PCBP1: variants seen among roughly 807,000 people sequenced by gnomAD.
The protein encoded by PCBP1 is poly(rC)-binding protein 1.
For synonymous variants in PCBP1, 284 were observed against 195.8 expected (o/e 1.45, Z -3.76); for missense variants, 244 against 474.4 (o/e 0.51, Z 4.51).
Position 70,088,409 on chromosome 2 carries a change from C to T in PCBP1, c.666C>T (p.Tyr222=), listed in dbSNP as rs1179607791. The change falls in exon 1 of 1, where the codon TAC becomes TAT. Residue 222 remains tyrosine, a synonymous_variant. Transcript: ENST00000303577. The surrounding 1 kb of genome is among the most constrained non-coding windows in gnomAD (Gnocchi z 4.5). ...HDLEGPPLDA[Y]SIQGQHTISP... ...TGGAGGGACCACCTCTAGATGCCTA[C>T]TCGATTCAAGGACAACACACCATTT... The T allele has an allele frequency of 9.9e-6, 16 of 1,614,188 alleles. No homozygotes were observed. The East Asian group carries it at 2.0e-4, about 20-fold the overall frequency.
rs769538150 is a variant in PCBP1, at chr2:70,088,658, C to T, written c.915C>T (p.Ile305=). 3 of 1,614,242 alleles carry T rather than the reference C, an allele frequency of 1.9e-6. No homozygotes were observed. The highest frequency in any genetic ancestry group is 2.2e-5 in the East Asian group (1 of 44,888). Residue 305 remains isoleucine, a synonymous_variant, in exon 1 of 1, where the codon ATC becomes ATT. Coordinates refer to ENST00000303577, the MANE Select transcript of PCBP1 (RefSeq NM_006196.4). The surrounding 1 kb of genome is among the most constrained non-coding windows in gnomAD (Gnocchi z 4.5). ...IGRQGANINE[I]RQMSGAQIKI... Reference sequence around the variant, plus strand: ...GCCAAGGCGCCAACATTAATGAGATCCGCCAGATGTCCGGGGCCCAGATCA... The same window carrying T: ...GCCAAGGCGCCAACATTAATGAGATTCGCCAGATGTCCGGGGCCCAGATCA...
Position 70,088,875 on chromosome 2 carries a change from T to C in PCBP1, c.*61T>C. ...GTTCTCCCATGATCCAACTGTGTAA[T>C]TTCTGGTCAGTGATTCCAGGTTTTA... is the stretch of plus-strand genomic sequence containing the variant. On this transcript the variant is annotated 3_prime_UTR_variant, in exon 1 of 1. Coordinates refer to ENST00000303577, the MANE Select transcript of PCBP1 (RefSeq NM_006196.4). The surrounding 1 kb of genome is among the most constrained non-coding windows in gnomAD (Gnocchi z 4.5). 1.6e-6 allele frequency: 2 copies of C among 1,234,010 alleles called. No individual in the cohort carries two copies. Among genetic ancestry groups the C allele is most frequent in the South Asian group, 1.4e-5 (1 of 69,342 alleles). The allele number at this position is 1,234,010 out of a possible 1,614,324, so 76.4% of individuals were successfully genotyped here.
Position 70,087,797 on chromosome 2 carries a change from T to G in PCBP1, c.54T>G (p.Leu18=), listed in dbSNP as rs1326729860. Residue 18 remains leucine (L), a synonymous_variant, in exon 1 of 1, where the codon CTT becomes CTG. Transcript: ENST00000303577. ...TAAATGTGACTCTCACCATTCGGCT[T>G]CTTATGCACGGAAAGGAAGTAGGAA... ...SGLNVTLTIR[L]LMHGKEVGSI... The G allele has an allele frequency of 3.1e-6, 5 of 1,589,066 alleles. No individual in the cohort carries two copies. The highest frequency in any genetic ancestry group is 3.4e-6 in the Non-Finnish European group (4 of 1,165,392).
Position 70,088,499 on chromosome 2 carries a change from C to A in PCBP1, c.756C>A (p.His252Gln), listed in dbSNP as rs769313762. 1 of 1,614,258 alleles carries A rather than the reference C, an allele frequency of 6.2e-7. No homozygotes were observed. The highest frequency in any genetic ancestry group is 1.1e-5 in the South Asian group (1 of 91,088). The stretch of plus-strand genomic sequence containing the variant: ...AACAGTCTCACTTTGCCATGATGCA[C>A]GGCGGGACCGGATTCGCCGGAATTG... ...ARQQSHFAMM[H>Q]GGTGFAGIDS... Residue 252 changes from histidine (H) to glutamine (Q), a missense_variant, in exon 1 of 1, where the codon CAC becomes CAA. Transcript: ENST00000303577. The surrounding 1 kb of genome is among the most constrained non-coding windows in gnomAD (Gnocchi z 4.5).
At position 70,088,488 on chromosome 2, in the gene PCBP1, G is replaced by A. The variant is rs745530090; in HGVS notation, c.745G>A (p.Ala249Thr). Residue 249 changes from alanine (A) to threonine (T), a missense_variant, in exon 1 of 1, where the codon GCC (alanine) becomes ACC (threonine). Transcript: ENST00000303577. The surrounding 1 kb of genome is among the most constrained non-coding windows in gnomAD (Gnocchi z 4.5). Reference sequence around the variant, plus strand: ...GGTGGCAAGACAACAGTCTCACTTTGCCATGATGCACGGCGGGACCGGATT... The same window carrying A: ...GGTGGCAAGACAACAGTCTCACTTTACCATGATGCACGGCGGGACCGGATT... ...NQVARQQSHFAMMHGGTGFAG... is the reference protein window; with the variant it reads ...NQVARQQSHFTMMHGGTGFAG... The A allele has an allele frequency of 6.2e-7, 1 of 1,614,142 alleles. No individual in the cohort carries two copies. The highest frequency in any genetic ancestry group is 1.3e-5 in the African/African-American group (1 of 74,950).
In PCBP1 at chr2:70,088,973, C is replaced by T. The variant is rs1188596451; in HGVS notation, c.*159C>T. On this transcript the variant is annotated 3_prime_UTR_variant, in exon 1 of 1. Coordinates refer to ENST00000303577, the MANE Select transcript of PCBP1 (RefSeq NM_006196.4). This position sits in a 1 kb window ranked among gnomAD's most constrained non-coding sequence, Gnocchi z 4.5. ...GAATTTAAAAATCACATTCTCTGTTCAGCTGTTAATGCTGGGATCCATATT... is the reference window on the plus strand; with the variant it reads ...GAATTTAAAAATCACATTCTCTGTTTAGCTGTTAATGCTGGGATCCATATT... The T allele has an allele frequency of 2.2e-5, 13 of 599,134 alleles. No individual in the cohort carries two copies. The highest frequency in any genetic ancestry group is 3.5e-5 in the Non-Finnish European group (12 of 340,110). The allele number at this position is 599,134 out of a possible 1,614,324, so 37.1% of individuals were successfully genotyped here.
At position 70,089,046 on chromosome 2, in the gene PCBP1, G is replaced by T; in HGVS notation, c.*232G>T. On this transcript the variant is annotated 3_prime_UTR_variant, in exon 1 of 1. Transcript: ENST00000303577. Reference sequence around the variant, plus strand: ...TTTTTAGTTTTGTTTTGGGTTTTTTGGCTCATGAATTTTATTTCTGTTTGT... The same window carrying T: ...TTTTTAGTTTTGTTTTGGGTTTTTTTGCTCATGAATTTTATTTCTGTTTGT... 2.3e-6 allele frequency: 1 copy of T among 438,720 alleles called. No individual in the cohort carries two copies. The allele number at this position is 438,720 out of a possible 1,614,324, so 27.2% of individuals were successfully genotyped here.
At position 70,088,112 on chromosome 2, in the gene PCBP1, C is replaced by T. The variant is rs750111742; in HGVS notation, c.369C>T (p.Ile123=). Residue 123 remains isoleucine (I), a synonymous_variant, in exon 1 of 1, where the codon ATC becomes ATT. Transcript: ENST00000303577. The surrounding 1 kb of genome is among the most constrained non-coding windows in gnomAD (Gnocchi z 4.5). ...IGKGGCKIKE[I]RESTGAQVQV... The stretch of plus-strand genomic sequence containing the variant: ...AAGGCGGGTGTAAGATCAAAGAGAT[C>T]CGCGAGAGTACGGGGGCGCAGGTCC... 1 of 1,613,952 alleles carries T rather than the reference C, an allele frequency of 6.2e-7. No individual in the cohort carries two copies.
chr2:70,088,910 T>C lies in PCBP1; in HGVS notation c.*96T>C. 3 of 865,614 alleles carry C rather than the reference T, an allele frequency of 3.5e-6. No homozygotes were observed. Among genetic ancestry groups the C allele is most frequent in the Non-Finnish European group, 5.3e-6 (3 of 565,666 alleles). 53.6% of individuals were successfully genotyped at this position (865,614 alleles called of 1,614,324 possible). ...GTGATTCCAGGTTTTAAATAATTTG[T>C]AAGTGTTCAGTTTCTACACAACTTT... is the stretch of plus-strand genomic sequence containing the variant. On this transcript the variant is annotated 3_prime_UTR_variant, in exon 1 of 1. Coordinates refer to ENST00000303577, the MANE Select transcript of PCBP1 (RefSeq NM_006196.4). This position sits in a 1 kb window ranked among gnomAD's most constrained non-coding sequence, Gnocchi z 4.5.
At position 70,088,229 on chromosome 2, in the gene PCBP1, T is replaced by A; in HGVS notation, c.486T>A (p.Ile162=). The A allele has an allele frequency of 6.2e-7, 1 of 1,613,836 alleles. No individual in the cohort carries two copies. Among genetic ancestry groups the A allele is most frequent in the Non-Finnish European group, 8.5e-7 (1 of 1,180,002 alleles). Residue 162 remains isoleucine, a synonymous_variant, in exon 1 of 1, where the codon ATT becomes ATA. Coordinates refer to ENST00000303577, the MANE Select transcript of PCBP1 (RefSeq NM_006196.4). The surrounding 1 kb of genome is among the most constrained non-coding windows in gnomAD (Gnocchi z 4.5). ...PQSVTECVKQ[I]CLVMLETLSQ... ...CTGTCACCGAGTGTGTCAAGCAGAT[T>A]TGCCTGGTCATGCTGGAGACGCTCT...
rs1572929823 is a variant in PCBP1, at chr2:70,088,682, C to A, written c.939C>A (p.Ile313=). The change falls in exon 1 of 1, where the codon ATC becomes ATA. Residue 313 remains isoleucine, a synonymous_variant. Transcript: ENST00000303577. The surrounding 1 kb of genome is among the most constrained non-coding windows in gnomAD (Gnocchi z 4.5). The stretch of plus-strand genomic sequence containing the variant: ...TCCGCCAGATGTCCGGGGCCCAGAT[C>A]AAAATTGCCAACCCAGTGGAAGGCT... ...NEIRQMSGAQ[I]KIANPVEGSS... is the part of the protein sequence containing the mutation. The A allele has an allele frequency of 6.2e-7, 1 of 1,614,252 alleles. No individual in the cohort carries two copies. Among genetic ancestry groups the A allele is most frequent in the East Asian group, 2.2e-5 (1 of 44,886 alleles).
chr2:70,087,651 GT>G lies in PCBP1; in HGVS notation c.-89del, dbSNP rs1410293964. The G allele has an allele frequency of 1.2e-6, 1 of 832,748 alleles. No individual in the cohort carries two copies. Among genetic ancestry groups the G allele is most frequent in the Non-Finnish European group, 1.8e-6 (1 of 542,750 alleles). The allele number at this position is 832,748 out of a possible 1,614,324, so 51.6% of individuals were successfully genotyped here. A position where few individuals can be genotyped will look rare whatever the true frequency, so the allele number is the denominator to read the frequency against. On this transcript the variant is annotated 5_prime_UTR_variant, in exon 1 of 1. Coordinates refer to ENST00000303577, the MANE Select transcript of PCBP1 (RefSeq NM_006196.4). ...GGCCCTCGCTCGCCTCGCGCCGGCA[GT>G]TTTGGGCCTACACCTCCCCTCCCCC... is the stretch of plus-strand genomic sequence containing the variant.
At position 70,088,282 on chromosome 2, in the gene PCBP1, C is replaced by G. The variant is rs1444004391; in HGVS notation, c.539C>G (p.Thr180Ser). The G allele has an allele frequency of 6.2e-7, 1 of 1,613,688 alleles. No individual in the cohort carries two copies. Among genetic ancestry groups the G allele is most frequent in the Non-Finnish European group, 8.5e-7 (1 of 1,180,036 alleles). ...LSQSPQGRVMTIPYQPMPASS... is the reference protein window; with the variant it reads ...LSQSPQGRVMSIPYQPMPASS... ...CAGTCTCCGCAAGGGAGAGTCATGA[C>G]CATTCCGTACCAGCCCATGCCGGCC... Residue 180 changes from threonine to serine, a missense_variant, in exon 1 of 1, where the codon ACC (threonine) becomes AGC (serine). Coordinates refer to ENST00000303577, the MANE Select transcript of PCBP1 (RefSeq NM_006196.4). The surrounding 1 kb of genome is among the most constrained non-coding windows in gnomAD (Gnocchi z 4.5).
rs1572929371 is a variant in PCBP1 at position 70,088,136 on chromosome 2, C to G, written c.393C>G (p.Val131=). Residue 131 remains valine, a synonymous_variant, in exon 1 of 1, where the codon GTC becomes GTG. Transcript: ENST00000303577. The surrounding 1 kb of genome is among the most constrained non-coding windows in gnomAD (Gnocchi z 4.5). ...TCCGCGAGAGTACGGGGGCGCAGGT[C>G]CAGGTGGCGGGGGATATGCTGCCCA... The part of the protein sequence containing the change: ...KEIRESTGAQ[V]QVAGDMLPNS... 6.2e-7 allele frequency: 1 copy of G among 1,613,962 alleles called. No individual in the cohort carries two copies. Among genetic ancestry groups the G allele is most frequent in the South Asian group, 1.1e-5 (1 of 91,078 alleles).
chr2:70,087,905 T>C lies in PCBP1; in HGVS notation c.162T>C (p.Cys54=). Residue 54 remains cysteine, a synonymous_variant, in exon 1 of 1, where the codon TGT becomes TGC. Transcript: ENST00000303577. ...GGATCAACATCTCGGAGGGGAATTG[T>C]CCGGAGAGAATCATCACTCTGACCG... ...GARINISEGN[C]PERIITLTGP... The C allele has an allele frequency of 3.7e-6, 6 of 1,611,794 alleles. No homozygotes were observed. The highest frequency in any genetic ancestry group is 1.7e-4 in the Middle Eastern group (1 of 6,054).
rs1671375412 is a variant in PCBP1 at position 70,088,516 on chromosome 2, C to T, written c.773C>T (p.Ala258Val). 2 of 1,614,152 alleles carry T rather than the reference C, an allele frequency of 1.2e-6. No homozygotes were observed. The highest frequency in any genetic ancestry group is 2.2e-5 in the South Asian group (2 of 91,092). The change falls in exon 1 of 1, where the codon GCC (alanine) becomes GTC (valine). Residue 258 changes from alanine (A) to valine (V), a missense_variant. Physicochemically the swap from Ala to Val is moderately conservative, Grantham distance 64. Transcript: ENST00000303577. This position sits in a 1 kb window ranked among gnomAD's most constrained non-coding sequence, Gnocchi z 4.5. ...FAMMHGGTGFAGIDSSSPEVK... is the reference protein window; with the variant it reads ...FAMMHGGTGFVGIDSSSPEVK... ...ATGATGCACGGCGGGACCGGATTCG[C>T]CGGAATTGACTCCAGCTCTCCAGAG...
Position 70,088,487 on chromosome 2 carries a change from T to C in PCBP1, c.744T>C (p.Phe248=), listed in dbSNP as rs565217440. 71 of 1,614,238 alleles carry C rather than the reference T, an allele frequency of 4.4e-5. No individual in the cohort carries two copies. In the South Asian group the frequency reaches 6.5e-4, roughly 15 times the overall value. ...LNQVARQQSH[F]AMMHGGTGFA... ...AGGTGGCAAGACAACAGTCTCACTT[T>C]GCCATGATGCACGGCGGGACCGGAT... is the stretch of plus-strand genomic sequence containing the variant. The change falls in exon 1 of 1, where the codon TTT becomes TTC. Residue 248 remains phenylalanine (F), a synonymous_variant. Transcript: ENST00000303577. The surrounding 1 kb of genome is among the most constrained non-coding windows in gnomAD (Gnocchi z 4.5).
At position 70,088,864 on chromosome 2, in the gene PCBP1, C is replaced by A; in HGVS notation, c.*50C>A. 1 of 1,334,102 alleles carries A rather than the reference C, an allele frequency of 7.5e-7. No individual in the cohort carries two copies. The highest frequency in any genetic ancestry group is 1.0e-6 in the Non-Finnish European group (1 of 964,772). The allele number at this position is 1,334,102 out of a possible 1,614,324, so 82.6% of individuals were successfully genotyped here. A position where few individuals can be genotyped will look rare whatever the true frequency, so the allele number is the denominator to read the frequency against. Reference sequence around the variant, plus strand: ...CCCTTTCTGCTGTTCTCCCATGATCCAACTGTGTAATTTCTGGTCAGTGAT... The same window carrying A: ...CCCTTTCTGCTGTTCTCCCATGATCAAACTGTGTAATTTCTGGTCAGTGAT... On this transcript the variant is annotated 3_prime_UTR_variant, in exon 1 of 1. Coordinates refer to ENST00000303577, the MANE Select transcript of PCBP1 (RefSeq NM_006196.4). The surrounding 1 kb of genome is among the most constrained non-coding windows in gnomAD (Gnocchi z 4.5).
At position 70,087,972 on chromosome 2, in the gene PCBP1, G is replaced by A; in HGVS notation, c.229G>A (p.Asp77Asn). The A allele has an allele frequency of 6.2e-7, 1 of 1,613,824 alleles. No individual in the cohort carries two copies. Among genetic ancestry groups the A allele is most frequent in the Non-Finnish European group, 8.5e-7 (1 of 1,179,960 alleles). The change falls in exon 1 of 1, where the codon GAC becomes AAC. Residue 77 changes from aspartate (D) to asparagine (N), a missense_variant. Coordinates refer to ENST00000303577, the MANE Select transcript of PCBP1 (RefSeq NM_006196.4). ...CTTTAAGGCTTTCGCTATGATCATCGACAAGCTGGAGGAAGATATCAACAG... is the reference window on the plus strand; with the variant it reads ...CTTTAAGGCTTTCGCTATGATCATCAACAAGCTGGAGGAAGATATCAACAG... ...AIFKAFAMII[D>N]KLEEDINSSM...
Sources: allele counts gnomAD v4.1 joint callset, GRCh38; gene constraint gnomAD v4.1.1; non-coding constraint Gnocchi (gnomAD v3.1); transcripts MANE v1.5; gene names NCBI Gene and HGNC (gene_info 2026-07-23, HGNC 2026-07-21).